Variants in ASAP1 observed in about 807,000 individuals in gnomAD.
ASAP1 encodes the protein arf-GAP with SH3 domain, ANK repeat and PH domain-containing protein 1.
A neutral mutation model predicts 145.2 loss-of-function variants in ASAP1; 43 were observed. The observed-to-expected ratio is 0.30, with a 90% confidence interval of 0.23 to 0.38. ASAP1 has a LOEUF of 0.38. ASAP1 is among the 10% of genes least tolerant of loss of function. The pLI is 1.00. For synonymous variants in ASAP1, 546 were observed against 515.5 expected (o/e 1.06, Z -0.80); for missense variants, 1,018 against 1,355.3 (o/e 0.75, Z 3.91).
chr8:130,241,874 A>G (rs902301539), intron 3 of ASAP1, among the ~76,000 whole-genome samples: 8 of 152,124 alleles, frequency 5.3e-5, no homozygotes, highest in African/African-American at 1.9e-4. Context: ...TTACTTTCTA[A>G]ATCTATGGCA....
chr8:130,153,113 G>A (rs1348794400), intron 12 of ASAP1, among the ~76,000 whole-genome samples: 6 of 150,784 alleles, frequency 4.0e-5, no homozygotes, highest in African/African-American at 1.2e-4. Flanking sequence ...TCCATCTCCC[G>A]GGTTGAAGCG....
Position 130,284,539 on chromosome 8 carries a change from C to T in ASAP1, c.187-47545G>A, listed in dbSNP as rs1211937200. Among the ~76,000 whole-genome samples the T allele has an allele frequency of 2.0e-5, 3 of 151,906 alleles. No individual in the cohort carries two copies. In the East Asian group the frequency reaches 5.8e-4, roughly 29 times the overall value. On this transcript the variant is annotated intron_variant, in intron 3 of 29. Coordinates refer to ENST00000518721, the MANE Select transcript of ASAP1 (RefSeq NM_018482.4). ...GGCTGAAAATAAACTAAAAGGGATGCGCCCAGTACAGCCAGGATTTATGAA... is the reference window on the plus strand; with the variant it reads ...GGCTGAAAATAAACTAAAAGGGATGTGCCCAGTACAGCCAGGATTTATGAA...
chr8:130,262,048 T>C (rs890996550), intron 3 of ASAP1, among the ~76,000 whole-genome samples: 2 of 151,940 alleles, frequency 1.3e-5, no homozygotes, highest in African/African-American at 4.8e-5. Context: ...ACAACCAGCA[T>C]ATGAGGGAAA....
At chr8:130,225,628 G>C (rs1183160622) in intron 4 of ASAP1, among the ~76,000 whole-genome samples, 1 of 152,178 alleles carries the variant, frequency 6.6e-6, no homozygotes, top group Non-Finnish European at 1.5e-5. Context: ...GACAACACTT[G>C]GATGGAGTGG....
At chr8:130,179,858 G>C (rs1814223625) in intron 8 of ASAP1, among the ~76,000 whole-genome samples, 1 of 152,050 alleles carries the variant, frequency 6.6e-6, no homozygotes, top group Non-Finnish European at 1.5e-5. Context: ...CTTGTACTGT[G>C]CACTGGTCAA....
intron 24 of ASAP1, among the ~76,000 whole-genome samples, chr8:130,100,310 C>T (rs955260575): frequency 4.7e-5 from 7 of 149,898 alleles, no homozygotes; most frequent in Non-Finnish European, 8.9e-5. Context: ...ATTTATATGT[C>T]GTGTTTTCTT....
intron 4 of ASAP1, among the ~76,000 whole-genome samples, chr8:130,234,891 G>A (rs938624276): frequency 6.6e-6 from 1 of 152,044 alleles, no homozygotes; most frequent in Non-Finnish European, 1.5e-5. Context: ...TGTTGTATGT[G>A]GAATCACTGA....
intron 2 of ASAP1, among the ~76,000 whole-genome samples, chr8:130,386,435 C>T (rs1828019804): frequency 6.6e-6 from 1 of 152,238 alleles, no homozygotes; most frequent in Admixed American, 6.5e-5. Context: ...CGCTCCCACA[C>T]CCTGTCCTGA....
intron 1 of ASAP1, among the ~76,000 whole-genome samples, chr8:130,426,211 T>C (rs2138740501): frequency 6.6e-6 from 1 of 152,238 alleles, no homozygotes; most frequent in South Asian, 2.1e-4. Flanking sequence ...TCTCTCTCTC[T>C]TTCTCCTGCT....
chr8:130,206,497 T>C (rs1226698157), intron 5 of ASAP1, among the ~76,000 whole-genome samples: 1 of 151,516 alleles, frequency 6.6e-6, no homozygotes, highest in Non-Finnish European at 1.5e-5. Flanking sequence ...TACCCTACAG[T>C]CAGAGATTGC....
chr8:130,424,683 G>A (rs1000674322), intron 1 of ASAP1, among the ~76,000 whole-genome samples: 12 of 152,026 alleles, frequency 7.9e-5, no homozygotes, highest in Non-Finnish European at 1.3e-4. Context: ...CCAGAGACAG[G>A]TACTGCACTT....
rs1565149021 is a variant in ASAP1, at chr8:130,262,446, GAGAGAGAGA to G, written c.187-25461_187-25453del. ...AGAGAGAGAGAGAGAGAGAGAGAGA[GAGAGAGAGA>G]GAACCTGTGGAATTTCAGATAGGTT... On this transcript the variant is annotated intron_variant, in intron 3 of 29. Transcript: ENST00000518721. Among the ~76,000 whole-genome samples, 489 of 117,148 alleles carry G rather than the reference GAGAGAGAGA, an allele frequency of 4.2e-3. 13 individuals are homozygous for G. Among genetic ancestry groups the G allele is most frequent in the East Asian group, 7.3e-3 (23 of 3,162 alleles). The allele number at this position is 117,148 out of a possible 152,430, so 76.9% of individuals were successfully genotyped here.
rs575061441 is a variant in ASAP1 at position 130,425,395 on chromosome 8, T to C, written c.-28+18065A>G. 9.9e-5 allele frequency among the ~76,000 whole-genome samples: 15 copies of C among 151,868 alleles called. No homozygotes were observed. In the South Asian group the frequency reaches 3.1e-3, roughly 32 times the overall value. ...AGCCATGCATGGTGTCACACAGCTG[T>C]AGTCCCAACTGTTTGGGAGGCTGAG... On this transcript the variant is annotated intron_variant, in intron 1 of 29. Transcript: ENST00000518721.
chr8:130,381,282 C>G (rs959486180), intron 2 of ASAP1, among the ~76,000 whole-genome samples: 3 of 152,172 alleles, frequency 2.0e-5, no homozygotes, highest in Admixed American at 1.3e-4. Flanking sequence ...TCCACCTTGG[C>G]CTCCCAAAGG....
At chr8:130,070,060 G>A (rs1346672152) in intron 27 of ASAP1, among the ~76,000 whole-genome samples, 2 of 152,000 alleles carry the variant, frequency 1.3e-5, no homozygotes, top group African/African-American at 4.8e-5. Flanking sequence ...TTTTTGAGAC[G>A]GAGTCTCACT....
intron 3 of ASAP1, among the ~76,000 whole-genome samples, chr8:130,268,573 A>G (rs1428995631): frequency 6.6e-6 from 1 of 151,934 alleles, no homozygotes; most frequent in African/African-American, 2.4e-5. Flanking sequence ...ACTATTTTAA[A>G]GAAAAAAACG....
chr8:130,200,561 T>C (rs1257089437), intron 5 of ASAP1, among the ~76,000 whole-genome samples: 1 of 152,156 alleles, frequency 6.6e-6, no homozygotes, highest in Admixed American at 6.5e-5. Context: ...AAAAAAATTA[T>C]ATGACTTTAA....
chr8:130,099,684 T>G (rs2097525333), intron 24 of ASAP1, among the ~76,000 whole-genome samples: 1 of 130,006 alleles, frequency 7.7e-6, no homozygotes, highest in Admixed American at 7.3e-5. Flanking sequence ...TTCATTCTTT[T>G]TTTTTTTTTT....
chr8:130,379,549 G>A (rs980446522), intron 2 of ASAP1, among the ~76,000 whole-genome samples: 4 of 152,194 alleles, frequency 2.6e-5, no homozygotes, highest in Non-Finnish European at 5.9e-5. Flanking sequence ...AATTGTGGGG[G>A]TTGCCCTAAT....
Sources: gnomAD v4.1 joint callset for allele counts (sites outside exome capture counted in the v4.1 genomes callset) on GRCh38, gnomAD v4.1.1 for gene constraint, MANE v1.5 for transcripts, NCBI Gene and HGNC (gene_info 2026-07-23, HGNC 2026-07-21) for gene names.